RNF212B: variants seen among roughly 807,000 people sequenced by gnomAD.
The protein encoded by RNF212B is ring finger protein 212B.
Under a neutral mutation model 55.5 loss-of-function variants are expected in RNF212B, and 52 were observed. The ratio of observed to expected loss-of-function variants is 0.94; its 90% CI spans 0.75 to 1.18. The LOEUF is 1.18. RNF212B is among the 50% of genes most tolerant of loss of function. The pLI, the probability that RNF212B is intolerant of heterozygous loss-of-function variation, is 0.00. For synonymous variants in RNF212B, 99 were observed against 121.4 expected (o/e 0.82, Z 1.21); for missense variants, 289 against 350.4 (o/e 0.82, Z 1.40).
chr14:23,230,835 T>C (rs1882558483), intron 2 of RNF212B, among the ~76,000 whole-genome samples: 1 of 152,176 alleles, frequency 6.6e-6, no homozygotes, highest in African/African-American at 2.4e-5. Context: ...CTTTTGCATA[T>C]GGACATAGTT....
chr14:23,271,415 C>A (rs1359157219), intron 14 of RNF212B, among the ~76,000 whole-genome samples: 2 of 151,276 alleles, frequency 1.3e-5, no homozygotes, highest in Non-Finnish European at 2.9e-5. Context: ...TGCACTCCAG[C>A]CTGGGCAGCA....
upstream of RNF212B, among the ~76,000 whole-genome samples, chr14:23,235,917 T>G (rs961569879): frequency 6.6e-6 from 1 of 152,232 alleles, no homozygotes; most frequent in African/African-American, 2.4e-5. Flanking sequence ...AGATCCCACT[T>G]TGCAATCAAC....
chr14:23,249,061 C>T (rs74036961), intron 4 of RNF212B, among the ~76,000 whole-genome samples: 1 of 152,156 alleles, frequency 6.6e-6, no homozygotes, highest in East Asian at 1.9e-4. Context: ...TTTACAAAAA[C>T]AGACAGCTGG....
chr14:23,230,611 G>A lies in RNF212B; in HGVS notation c.-1-9734G>A, dbSNP rs1240989203. ...GGAGCTTGCAGTGAGCCGAGATCGC[G>A]CCACTGCACTCCAGCCTGGACGACA... On this transcript the variant is annotated intron_variant, in intron 2 of 15. Transcript: ENST00000399910. Among the ~76,000 whole-genome samples the A allele has an allele frequency of 8.1e-5, 10 of 123,682 alleles. No individual in the cohort carries two copies. In the East Asian group the frequency reaches 2.7e-3, roughly 33 times the overall value. The allele number at this position is 123,682 out of a possible 152,430, so 81.1% of individuals were successfully genotyped here.
intron 4 of RNF212B, among the ~76,000 whole-genome samples, chr14:23,250,482 C>CAAAA (rs34825470): frequency 2.6e-5 from 3 of 116,728 alleles, no homozygotes; most frequent in Non-Finnish European, 5.3e-5. Flanking sequence ...GACTCTGTCT[C>CAAAA]AAAAAAAAAA....
At chr14:23,252,098 C>G (rs61397282) in intron 4 of RNF212B, among the ~76,000 whole-genome samples, 31,981 of 150,828 alleles carry the variant, frequency 0.21, 3,776 homozygotes, top group African/African-American at 0.33. Context: ...GGTTGGGGGG[C>G]GTGGGAAGAA....
At chr14:23,243,157 TCC>T in intron 2 of RNF212B, 97 bp from the exon 3 acceptor site, 1 of 814,000 alleles carries the variant, frequency 1.2e-6, no homozygotes, top group Admixed American at 2.5e-5. Context: ...CTTTTTTTCT[TCC>T]TTTGCTAGCA....
intron 3 of RNF212B, 148 bp from the exon 4 acceptor site, chr14:23,244,174 A>T: frequency 1.8e-6 from 1 of 541,660 alleles, no homozygotes; most frequent in Non-Finnish European, 3.2e-6. Flanking sequence ...TATAATGTAC[A>T]TCTAGAAGAG....
At chr14:23,208,963 T>G (rs1248747588) in intron 2 of RNF212B, among the ~76,000 whole-genome samples, 5 of 151,348 alleles carry the variant, frequency 3.3e-5, no homozygotes, top group Non-Finnish European at 5.9e-5. Flanking sequence ...TTTCATCGTG[T>G]TAGCCGGGAT....
intron 4 of RNF212B, among the ~76,000 whole-genome samples, chr14:23,256,476 A>T (rs1011812144): frequency 6.6e-6 from 1 of 151,378 alleles, no homozygotes; most frequent in Non-Finnish European, 1.5e-5. Flanking sequence ...GGTTCAAGTG[A>T]TTCTCCTGCC....
intron 2 of RNF212B, among the ~76,000 whole-genome samples, chr14:23,196,462 C>T (rs1404595066): frequency 6.6e-6 from 1 of 152,084 alleles, no homozygotes; most frequent in Non-Finnish European, 1.5e-5. Context: ...AACATAGAAA[C>T]AGGGGCCTGC....
chr14:23,269,763 C>A (rs906262559), intron 12 of RNF212B, 100 bp from the exon 13 acceptor site: 1 of 644,080 alleles, frequency 1.6e-6, no homozygotes, highest in Admixed American at 2.9e-5. Context: ...GAATTTTTTC[C>A]TCTCTGGCCT....
chr14:23,210,550 G>A (rs1396946021), intron 2 of RNF212B, among the ~76,000 whole-genome samples: 1 of 152,080 alleles, frequency 6.6e-6, no homozygotes, highest in East Asian at 1.9e-4. Context: ...GGCTGAGGCG[G>A]GTGGATCACG....
intron 2 of RNF212B, among the ~76,000 whole-genome samples, chr14:23,196,950 T>C (rs939093831): frequency 4.6e-5 from 7 of 152,204 alleles, no homozygotes; most frequent in African/African-American, 1.7e-4. Flanking sequence ...ATGATTAATG[T>C]CTACCTCCCC....
rs529836053 is a variant in RNF212B at position 23,232,400 on chromosome 14, C to T, written c.-1-7945C>T. On this transcript the variant is annotated intron_variant, in intron 2 of 15. Transcript: ENST00000399910. ...CCATCTGAGAAGTGAGGATCCCCTC[C>T]GCCCGGCAGCCGCCCTGTCTGAGAA... Among the ~76,000 whole-genome samples, 639 of 151,560 alleles carry T rather than the reference C, an allele frequency of 4.2e-3. 2 individuals are homozygous for T. Among genetic ancestry groups the T allele is most frequent in the African/African-American group, 0.015 (619 of 41,282 alleles).
Position 23,244,354 on chromosome 14 carries a change from T to A in RNF212B, c.186T>A (p.Ser62Arg). 4 of 1,547,390 alleles carry A rather than the reference T, an allele frequency of 2.6e-6. No individual in the cohort carries two copies. Among genetic ancestry groups the A allele is most frequent in the Non-Finnish European group, 3.5e-6 (4 of 1,145,980 alleles). Reference sequence around the variant, plus strand: ...CTCAGGAGAAGATGTTTTTCAAAAGTCCTGTGGAGACAGCTTTGCAGTATT... The same window carrying A: ...CTCAGGAGAAGATGTTTTTCAAAAGACCTGTGGAGACAGCTTTGCAGTATT... ...LKPQEKMFFKSPVETALQYFS... is the reference protein window; with the variant it reads ...LKPQEKMFFKRPVETALQYFS... The change falls in exon 4 of 15, where the codon AGT (serine) becomes AGA (arginine). Residue 62 changes from serine to arginine, a missense_variant. Transcript: ENST00000430154.
At chr14:23,242,108 G>GAAAAAAAAAAAAGAAAAGA (rs71425076) in intron 2 of RNF212B, among the ~76,000 whole-genome samples, 1 of 111,744 alleles carries the variant, frequency 8.9e-6, no homozygotes, top group Non-Finnish European at 1.9e-5. Context: ...AAAAAAAAAA[G>GAAAAAAAAAAAAGAAAAGA]AAAAGAAAAA....
At chr14:23,209,048 G>C (rs757718520) in intron 2 of RNF212B, among the ~76,000 whole-genome samples, 2 of 152,152 alleles carry the variant, frequency 1.3e-5, no homozygotes, top group Non-Finnish European at 2.9e-5. Flanking sequence ...GTGAGCCACC[G>C]TGCCCGGCCT....
chr14:23,190,057 C>A (rs529989255), intron 1 of RNF212B, among the ~76,000 whole-genome samples: 1 of 152,216 alleles, frequency 6.6e-6, no homozygotes, highest in South Asian at 2.1e-4. Context: ...GATCTTACGG[C>A]AGCATGTGGC....
Sources: gnomAD v4.1 joint callset for allele counts (sites outside exome capture counted in the v4.1 genomes callset) on GRCh38, gnomAD v4.1.1 for gene constraint, MANE v1.5 for transcripts, NCBI Gene and HGNC (gene_info 2026-07-23, HGNC 2026-07-21) for gene names.